TBC1D13: variants seen among roughly 807,000 people sequenced by gnomAD.
The protein encoded by TBC1D13 is epididymis secretory sperm binding protein.
A neutral mutation model predicts 53.6 loss-of-function variants in TBC1D13; 40 were observed. That is an observed-to-expected ratio of 0.75 (90% CI 0.58 to 0.97). TBC1D13 has a LOEUF of 0.97. Among genes scored for constraint, TBC1D13 ranks in the 50% least tolerant of loss-of-function variants. The pLI is 0.00. For missense variants in TBC1D13, 377 were observed against 499.4 expected (o/e 0.75, Z 2.34); for synonymous variants, 182 against 197.7 (o/e 0.92, Z 0.67).
At chr9:128,799,005 C>T (rs1159322193) in intron 7 of TBC1D13, among the ~76,000 whole-genome samples, 1 of 152,224 alleles carries the variant, frequency 6.6e-6, no homozygotes, top group Non-Finnish European at 1.5e-5. Flanking sequence ...TGAGCCACCA[C>T]ACCCAGCTGG....
At chr9:128,787,939 C>A (rs1829459888) in intron 1 of TBC1D13, among the ~76,000 whole-genome samples, 1 of 152,132 alleles carries the variant, frequency 6.6e-6, no homozygotes, top group Non-Finnish European at 1.5e-5. Context: ...TCAAATTACT[C>A]CTGGTTCCTG....
At position 128,796,772 on chromosome 9, in the gene TBC1D13, T is replaced by TA. The variant is rs1187994901; in HGVS notation, c.384-276dup. The stretch of plus-strand genomic sequence containing the variant: ...GGCTAACATGGTGAAACTCCATCTC[T>TA]AAAAAAATAAAAAATTAGCCGGGCG... On this transcript the variant is annotated intron_variant, in intron 6 of 11. Coordinates refer to ENST00000372648, the MANE Select transcript of TBC1D13 (RefSeq NM_018201.5). Among the ~76,000 whole-genome samples, 117 of 151,698 alleles carry TA rather than the reference T, an allele frequency of 7.7e-4. 1 individual carries two copies. The highest frequency in any genetic ancestry group is 3.0e-3 in the East Asian group (15 of 5,050).
chr9:128,799,295 A>G (rs921575351), intron 7 of TBC1D13, among the ~76,000 whole-genome samples: 2 of 152,294 alleles, frequency 1.3e-5, no homozygotes, highest in East Asian at 3.9e-4. Flanking sequence ...CAGAGAACCC[A>G]CCAGAAACTT....
In TBC1D13 at chr9:128,787,375, C is replaced by T; in HGVS notation, c.22C>T (p.Arg8Ter). Residue 8 changes from arginine (R) to a stop codon, truncating the protein, a stop_gained and splice_region_variant, in exon 1 of 12, where the codon CGA becomes TGA. Transcript: ENST00000372648. LOFTEE classifies it high-confidence loss of function. MSSLHKS[R>*]IADFQDVLKE... is the part of the protein sequence containing the mutation. ...CACCATGTCAAGTCTGCACAAGAGC[C>T]GGTAAGGGGCCATGGGGCCTGACCC... 1 of 1,259,716 alleles carries T rather than the reference C, an allele frequency of 7.9e-7. No homozygotes were observed. The highest frequency in any genetic ancestry group is 1.0e-6 in the Non-Finnish European group (1 of 994,460). The allele number at this position is 1,259,716 out of a possible 1,614,324, so 78.0% of individuals were successfully genotyped here.
chr9:128,798,171 C>A (rs557877036), intron 7 of TBC1D13, among the ~76,000 whole-genome samples: 4 of 151,928 alleles, frequency 2.6e-5, no homozygotes, highest in African/African-American at 9.7e-5. Flanking sequence ...TAGAATTGCT[C>A]GAACCCGGGA....
chr9:128,799,008 C>T (rs1183111452), intron 7 of TBC1D13, among the ~76,000 whole-genome samples: 1 of 152,152 alleles, frequency 6.6e-6, no homozygotes, highest in Non-Finnish European at 1.5e-5. Context: ...GCCACCACAC[C>T]CAGCTGGAAA....
Position 128,797,043 on chromosome 9 carries a change from C to G in TBC1D13, c.384-12C>G, listed in dbSNP as rs951126458. 3 of 1,613,516 alleles carry G rather than the reference C, an allele frequency of 1.9e-6. No individual in the cohort carries two copies. In the Admixed American group the frequency reaches 5.0e-5, roughly 27 times the overall value. ...TTGAGTAACAAGATTATTTCCTGTT[C>G]CCTCTTGACAGGAGGTTGTGCCCAG... On this transcript the variant is annotated splice_polypyrimidine_tract_variant and intron_variant, in intron 6 of 11. Coordinates refer to ENST00000372648, the MANE Select transcript of TBC1D13 (RefSeq NM_018201.5).
intron 2 of TBC1D13, among the ~76,000 whole-genome samples, chr9:128,788,648 T>C (rs1319491143): frequency 2.6e-5 from 4 of 152,168 alleles, no homozygotes; most frequent in Non-Finnish European, 5.9e-5. Flanking sequence ...TGCCCTAAGC[T>C]TTCCTAAGCT....
chr9:128,800,773 A>T (rs1416767356), intron 7 of TBC1D13, among the ~76,000 whole-genome samples: 1 of 152,126 alleles, frequency 6.6e-6, no homozygotes, highest in East Asian at 1.9e-4. Flanking sequence ...CGTTTTTCAC[A>T]TTGCTTTATT....
chr9:128,792,405 C>G (rs1173267238), intron 5 of TBC1D13, 87 bp from the exon 6 acceptor site: 1 of 1,176,596 alleles, frequency 8.5e-7, no homozygotes, highest in African/African-American at 1.5e-5. Context: ...ATTGTTGCAG[C>G]AAGGCCACTG....
chr9:128,793,065 G>A (rs941429583), intron 6 of TBC1D13, among the ~76,000 whole-genome samples: 2 of 152,230 alleles, frequency 1.3e-5, no homozygotes, highest in African/African-American at 4.8e-5. Flanking sequence ...CAGTGATTCA[G>A]CTGAGATCTG....
In TBC1D13 at chr9:128,795,983, A is replaced by G. The variant is rs147405352; in HGVS notation, c.384-1072A>G. 1.6e-3 allele frequency among the ~76,000 whole-genome samples: 247 copies of G among 152,354 alleles called. 1 individual carries two copies. Among genetic ancestry groups the G allele is most frequent in the African/African-American group, 5.5e-3 (230 of 41,580 alleles). Reference sequence around the variant, plus strand: ...TAATGACACTTTAAAAAAAAAGTATATATCTATTTGCAAATACACATAAAA... The same window carrying G: ...TAATGACACTTTAAAAAAAAAGTATGTATCTATTTGCAAATACACATAAAA... On this transcript the variant is annotated intron_variant, in intron 6 of 11. Transcript: ENST00000372648.
intron 6 of TBC1D13, among the ~76,000 whole-genome samples, chr9:128,795,017 G>A (rs1829602245): frequency 6.6e-6 from 1 of 150,942 alleles, no homozygotes; most frequent in Non-Finnish European, 1.5e-5. Flanking sequence ...AATCTCTTTT[G>A]CTACTACAAA....
Position 128,803,426 on chromosome 9 carries a change from C to A in TBC1D13, c.720C>A (p.Tyr240Ter). Residue 240 changes from tyrosine to a stop codon, truncating the protein, a stop_gained, in exon 8 of 12, where the codon TAC becomes TAA. Transcript: ENST00000372648. LOFTEE classifies it high-confidence loss of function. Reference protein sequence around the residue: ...GMNEIVGPLYYTFATDPNSEW... With the variant: ...GMNEIVGPLY The stretch of plus-strand genomic sequence containing the variant: ...ATGAAATCGTGGGGCCCCTCTACTA[C>A]ACCTTTGCCACCGACCCCAATAGTG... 1 of 1,614,188 alleles carries A rather than the reference C, an allele frequency of 6.2e-7. No homozygotes were observed. The highest frequency in any genetic ancestry group is 8.5e-7 in the Non-Finnish European group (1 of 1,180,032).
chr9:128,803,293 A>C lies in TBC1D13; in HGVS notation c.587A>C (p.Glu196Ala), dbSNP rs1829769672. The change falls in exon 8 of 12, where the codon GAG becomes GCG. Residue 196 changes from glutamate to alanine, a missense_variant. Physicochemically the swap from Glu to Ala is moderately radical, Grantham distance 107. Coordinates refer to ENST00000372648, the MANE Select transcript of TBC1D13 (RefSeq NM_018201.5). The part of the protein sequence containing the change: ...HKNSVPSSLN[E>A]YEVLPNGCEA... ...AACTCTGTGCCATCATCCCTAAATG[A>C]GTATGAGGTGCTGCCCAATGGCTGT... 1 of 1,614,036 alleles carries C rather than the reference A, an allele frequency of 6.2e-7. No homozygotes were observed. Among genetic ancestry groups the C allele is most frequent in the African/African-American group, 1.3e-5 (1 of 74,892 alleles).
chr9:128,789,606 T>TG (rs1829492363), intron 2 of TBC1D13, among the ~76,000 whole-genome samples: 2 of 151,948 alleles, frequency 1.3e-5, no homozygotes, highest in African/African-American at 4.8e-5. Context: ...TAATGAAGAT[T>TG]AAATGAAATA....
chr9:128,791,836 C>T (rs1237434578), intron 5 of TBC1D13, 143 bp downstream of exon 5: 13 of 679,358 alleles, frequency 1.9e-5, no homozygotes, highest in Admixed American at 1.4e-4. Flanking sequence ...CTCCTTTCTG[C>T]GTTGGGTCAC....
chr9:128,803,947 C>G lies in TBC1D13; in HGVS notation c.755-9C>G, dbSNP rs373609178. 1.2e-5 allele frequency: 19 copies of G among 1,612,298 alleles called. No individual in the cohort carries two copies. Among genetic ancestry groups the G allele is most frequent in the East Asian group, 8.9e-5 (4 of 44,876 alleles). The stretch of plus-strand genomic sequence containing the variant: ...GCGCCACTTCTGCCCCCATCCTGCT[C>G]TCTCCCAGAGCACGCCGAGGCAGAC... On this transcript the variant is annotated splice_polypyrimidine_tract_variant and intron_variant, in intron 8 of 11. Coordinates refer to ENST00000372648, the MANE Select transcript of TBC1D13 (RefSeq NM_018201.5).
chr9:128,800,311 CG>C (rs2132545185), intron 7 of TBC1D13, among the ~76,000 whole-genome samples: 1 of 151,244 alleles, frequency 6.6e-6, no homozygotes, highest in Non-Finnish European at 1.5e-5. Flanking sequence ...GTTGGGGACC[CG>C]TGCTCATTGT....
Sources: allele counts gnomAD v4.1 joint callset (sites outside exome capture counted in the v4.1 genomes callset), GRCh38; gene constraint gnomAD v4.1.1; transcripts MANE v1.5; gene names NCBI Gene and HGNC (gene_info 2026-07-23, HGNC 2026-07-21).